The following TMTC2 variants were observed in gnomAD, a reference collection of about 807,000 sequenced individuals.
TMTC2 encodes the protein transmembrane O-mannosyltransferase targeting cadherins 2.
Under a neutral mutation model 82.4 loss-of-function variants are expected in TMTC2, and 43 were observed. The observed-to-expected ratio is 0.52, with a 90% CI of 0.41 to 0.67. TMTC2 has a LOEUF of 0.67. Among genes scored for constraint, TMTC2 ranks in the 30% least tolerant of loss-of-function variants. The pLI, the probability that TMTC2 is intolerant of heterozygous loss-of-function variation, is 0.00. For missense variants in TMTC2, 919 were observed against 1,012.4 expected (o/e 0.91, Z 1.25); for synonymous variants, 408 against 381.9 (o/e 1.07, Z -0.80).
intron 1 of TMTC2, among the ~76,000 whole-genome samples, chr12:82,772,696 G>C (rs11115403): frequency 0.15 from 23,043 of 152,082 alleles, 1,985 homozygotes; most frequent in African/African-American, 0.24. Context: ...CCTGGTCCAT[G>C]TTCCACCCCC....
At chr12:83,103,409 A>G (rs1413597664) in intron 11 of TMTC2, among the ~76,000 whole-genome samples, 5 of 152,184 alleles carry the variant, frequency 3.3e-5, no homozygotes, top group Non-Finnish European at 1.5e-5. Context: ...TACAGGAAGC[A>G]TGGCACCAAA....
chr12:82,890,821 G>A (rs528953240), intron 2 of TMTC2, among the ~76,000 whole-genome samples: 1 of 152,172 alleles, frequency 6.6e-6, no homozygotes, highest in Non-Finnish European at 1.5e-5. Flanking sequence ...CCAGCGTATA[G>A]AAGAGTGCCT....
chr12:82,992,113 G>A (rs1178342009), intron 8 of TMTC2, among the ~76,000 whole-genome samples: 1 of 152,146 alleles, frequency 6.6e-6, no homozygotes, highest in Non-Finnish European at 1.5e-5. Context: ...AAGTTAATTA[G>A]GCTACATAAA....
intron 1 of TMTC2, among the ~76,000 whole-genome samples, chr12:82,852,387 G>A (rs1249027980): frequency 2.0e-5 from 3 of 152,090 alleles, no homozygotes; most frequent in Non-Finnish European, 4.4e-5. Flanking sequence ...GATTACAGGC[G>A]TGAGCCACCG....
At chr12:82,911,255 A>C (rs1874638351) in intron 3 of TMTC2, among the ~76,000 whole-genome samples, 2 of 152,084 alleles carry the variant, frequency 1.3e-5, no homozygotes, top group Non-Finnish European at 1.5e-5. Flanking sequence ...ACATTTGGGC[A>C]GGAAGGCAGG....
intron 10 of TMTC2, 43 bp from the exon 11 acceptor site, chr12:83,061,725 C>T: frequency 1.3e-6 from 2 of 1,493,572 alleles, no homozygotes; most frequent in Non-Finnish European, 1.8e-6. Context: ...ATTTGTAATT[C>T]TAAAATATAT....
chr12:82,881,840 G>T (rs1476435538), intron 2 of TMTC2, among the ~76,000 whole-genome samples: 1 of 152,014 alleles, frequency 6.6e-6, no homozygotes, highest in Non-Finnish European at 1.5e-5. Context: ...AACAAGTATT[G>T]TTTCTAAGCT....
chr12:83,011,548 C>T (rs958294873), intron 8 of TMTC2, among the ~76,000 whole-genome samples: 1 of 152,076 alleles, frequency 6.6e-6, no homozygotes, highest in Non-Finnish European at 1.5e-5. Context: ...ATTATTTGAC[C>T]ATAACTGTAC....
intron 2 of TMTC2, among the ~76,000 whole-genome samples, chr12:82,875,929 A>G (rs1376328211): frequency 1.3e-5 from 2 of 151,006 alleles, no homozygotes; most frequent in Admixed American, 1.3e-4. Context: ...AAGAAAGAAA[A>G]CTGAGCAGTA....
chr12:82,769,091 C>T (rs1877143265), intron 1 of TMTC2, among the ~76,000 whole-genome samples: 1 of 151,122 alleles, frequency 6.6e-6, no homozygotes. Flanking sequence ...CCCCAGCTCA[C>T]AAATCTAGTA....
chr12:82,885,001 C>A (rs1873017485), intron 2 of TMTC2, among the ~76,000 whole-genome samples: 1 of 152,098 alleles, frequency 6.6e-6, no homozygotes, highest in Non-Finnish European at 1.5e-5. Flanking sequence ...TCACGCAATC[C>A]TCCTTCCTCA....
At chr12:82,961,360 A>G (rs17010268) in intron 4 of TMTC2, among the ~76,000 whole-genome samples, 1 of 151,950 alleles carries the variant, frequency 6.6e-6, no homozygotes, top group African/African-American at 2.4e-5. Flanking sequence ...GCCCAAATTT[A>G]TCCAGAACTT....
At chr12:83,108,849 T>G (rs1884504557) in intron 11 of TMTC2, among the ~76,000 whole-genome samples, 1 of 152,326 alleles carries the variant, frequency 6.6e-6, no homozygotes, top group Non-Finnish European at 1.5e-5. Context: ...AAGTTAACTT[T>G]ACTAAAAAAG....
chr12:82,896,321 G>T lies in TMTC2; in HGVS notation c.1158G>T (p.Gln386His), dbSNP rs370917510. 4.3e-6 allele frequency: 7 copies of T among 1,614,010 alleles called. No individual in the cohort carries two copies. The African/African-American group carries it at 6.7e-5, about 15-fold the overall frequency. ...AAAACGATGTATCACAGAGAACCCA[G>T]CTTCCTTCTACGGAGAACATTGTTG... The part of the protein sequence containing the change: ...GIKNDVSQRT[Q>H]LPSTENIVVL... Residue 386 changes from glutamine to histidine, a missense_variant, in exon 3 of 12, where the codon CAG becomes CAT. By Grantham distance (24) the Gln-to-His change is conservative. Coordinates refer to ENST00000321196, the MANE Select transcript of TMTC2 (RefSeq NM_152588.3).
At chr12:82,828,211 C>CTTTTTTTTT (rs58399725) in intron 1 of TMTC2, among the ~76,000 whole-genome samples, 1 of 109,680 alleles carries the variant, frequency 9.1e-6, no homozygotes, top group Admixed American at 9.9e-5. Flanking sequence ...TTTTCTTTGG[C>CTTTTTTTTT]TTTTTTTTTT....
At chr12:83,071,460 T>A (rs1883112835) in intron 11 of TMTC2, among the ~76,000 whole-genome samples, 1 of 152,066 alleles carries the variant, frequency 6.6e-6, no homozygotes, top group African/African-American at 2.4e-5. Context: ...CCTGGCCTGG[T>A]CTGTAGTTTT....
chr12:82,912,832 G>T (rs1351093341), intron 3 of TMTC2, among the ~76,000 whole-genome samples: 2 of 151,914 alleles, frequency 1.3e-5, no homozygotes, highest in Non-Finnish European at 2.9e-5. Flanking sequence ...CAGCTACTTG[G>T]GGGGCTGAGG....
intron 2 of TMTC2, among the ~76,000 whole-genome samples, chr12:82,884,158 A>T (rs1275822932): frequency 6.6e-6 from 1 of 152,176 alleles, no homozygotes; most frequent in Non-Finnish European, 1.5e-5. Flanking sequence ...AGTTAGCTCT[A>T]GAAGGGGCTT....
At chr12:82,803,630 G>A (rs1024864802) in intron 1 of TMTC2, among the ~76,000 whole-genome samples, 1 of 152,056 alleles carries the variant, frequency 6.6e-6, no homozygotes, top group Non-Finnish European at 1.5e-5. Context: ...CACTGGAAAA[G>A]GGAAAAATGC....
Sources: allele counts gnomAD v4.1 joint callset (sites outside exome capture counted in the v4.1 genomes callset), GRCh38; gene constraint gnomAD v4.1.1; transcripts MANE v1.5; gene names NCBI Gene and HGNC (gene_info 2026-07-23, HGNC 2026-07-21).